FHIP2A: variants seen among roughly 807,000 people sequenced by gnomAD.
The protein encoded by FHIP2A is FHF complex subunit HOOK interacting protein 2A.
FHIP2A carries 46 observed loss-of-function variants against 93.5 expected under a neutral mutation model. The ratio of observed to expected loss-of-function variants is 0.49; its 90% CI spans 0.39 to 0.63. The LOEUF (loss-of-function observed/expected upper bound fraction) is 0.63. Ranked by LOEUF, FHIP2A falls within the 20% of genes least tolerant of loss-of-function variation. The probability of loss-of-function intolerance (pLI) is 0.00; values close to 1 mark genes in which losing one functional copy is unlikely to be tolerated. For synonymous variants in FHIP2A, 332 were observed against 326.5 expected, an observed-to-expected ratio of 1.02 and a Z score of -0.18; for missense variants, 769 against 909.7, an observed-to-expected ratio of 0.85 and a Z score of 1.99.
intron 5 of FHIP2A, among the ~76,000 whole-genome samples, chr10:114,839,941 G>A (rs906733597): frequency 1.3e-5 from 2 of 151,642 alleles, no homozygotes; most frequent in East Asian, 1.9e-4. Context: ...TTTACAGTCT[G>A]GTGAAGACAG....
chr10:114,853,884 G>A (rs1028309519), intron 13 of FHIP2A, among the ~76,000 whole-genome samples: 3 of 151,898 alleles, frequency 2.0e-5, no homozygotes, highest in African/African-American at 7.3e-5. Context: ...CACTGCACCC[G>A]ACCATTTTCT....
chr10:114,865,302 A>G (rs1592027755), downstream of FHIP2A, among the ~76,000 whole-genome samples: 1 of 152,310 alleles, frequency 6.6e-6, no homozygotes, highest in South Asian at 2.1e-4. Context: ...AAAACAATTT[A>G]TTCTAAGCAT....
intron 14 of FHIP2A, among the ~76,000 whole-genome samples, chr10:114,858,559 A>C (rs1309141755): frequency 6.6e-6 from 1 of 151,882 alleles, no homozygotes; most frequent in Non-Finnish European, 1.5e-5. Flanking sequence ...TTCTGGACTT[A>C]AGTTGTATTT....
intron 6 of FHIP2A, 49 bp downstream of exon 6, chr10:114,843,275 T>TTA: frequency 1.7e-5 from 20 of 1,149,720 alleles, no homozygotes; most frequent in Non-Finnish European, 2.2e-5. Flanking sequence ...TTCAATAATG[T>TTA]GTATTTATTT....
intron 2 of FHIP2A, 58 bp downstream of exon 2, chr10:114,830,988 G>A: frequency 1.0e-6 from 1 of 979,012 alleles, no homozygotes; most frequent in Non-Finnish European, 1.5e-6. Flanking sequence ...GAAAATTTGT[G>A]AAATACTAAA....
At chr10:114,885,764 C>A (rs1359452994) in intron 16 of FHIP2A, among the ~76,000 whole-genome samples, 1 of 152,178 alleles carries the variant, frequency 6.6e-6, no homozygotes, top group African/African-American at 2.4e-5. Flanking sequence ...TCTCATTTTT[C>A]TCTTCTGTGG....
At chr10:114,823,580 C>T (rs1372983521) in intron 1 of FHIP2A, among the ~76,000 whole-genome samples, 2 of 151,722 alleles carry the variant, frequency 1.3e-5, no homozygotes, top group African/African-American at 4.8e-5. Flanking sequence ...CTGCAACCTC[C>T]GCCTCCCGGA....
chr10:114,831,230 T>C (rs978063567), intron 2 of FHIP2A, among the ~76,000 whole-genome samples: 1 of 152,070 alleles, frequency 6.6e-6, no homozygotes, highest in Non-Finnish European at 1.5e-5. Context: ...TATAGACAAA[T>C]ATGTATAGTG....
intron 2 of FHIP2A, 119 bp from the exon 3 acceptor site, chr10:114,833,114 A>C (rs1426806071): frequency 2.9e-6 from 2 of 693,330 alleles, no homozygotes; most frequent in African/African-American, 3.6e-5. Context: ...AACCTCACTT[A>C]AGTGTGTAGT....
At chr10:114,839,459 T>G (rs981717828) in intron 5 of FHIP2A, among the ~76,000 whole-genome samples, 2 of 152,168 alleles carry the variant, frequency 1.3e-5, no homozygotes, top group African/African-American at 2.4e-5. Flanking sequence ...TAAGTATAGA[T>G]AAGAACAAAA....
At chr10:114,830,717 A>G (rs2083602995) in intron 1 of FHIP2A, 135 bp from the exon 2 acceptor site, 1 of 477,546 alleles carries the variant, frequency 2.1e-6, no homozygotes, top group African/African-American at 2.0e-5. Flanking sequence ...TCTCTTTAAT[A>G]TCTGACATAT....
chr10:114,878,821 C>A (rs1212067558), intron 16 of FHIP2A, among the ~76,000 whole-genome samples: 2 of 148,308 alleles, frequency 1.3e-5, no homozygotes, highest in Non-Finnish European at 3.0e-5. Context: ...GAAAAGAAGC[C>A]TGGGCAGGTG....
At chr10:114,830,142 G>A (rs2143009802) in intron 1 of FHIP2A, among the ~76,000 whole-genome samples, 1 of 152,232 alleles carries the variant, frequency 6.6e-6, no homozygotes, top group Middle Eastern at 3.4e-3. Flanking sequence ...TAATTACATA[G>A]CAGCTTTTTA....
Position 114,862,440 on chromosome 10 carries a change from G to C in FHIP2A, c.*900G>C. 1 of 987,518 alleles carries C rather than the reference G, an allele frequency of 1.0e-6. No individual in the cohort carries two copies. Among genetic ancestry groups the C allele is most frequent in the Non-Finnish European group, 1.2e-6 (1 of 830,090 alleles). The allele number at this position is 987,518 out of a possible 1,614,324, so 61.2% of individuals were successfully genotyped here. On this transcript the variant is annotated 3_prime_UTR_variant, in exon 17 of 17. Coordinates refer to ENST00000369248, the MANE Select transcript of FHIP2A (RefSeq NM_020940.4). ...TTACTGAAACGCATGGTGGTGTCTA[G>C]GTGGGGAACTGACTGATAACCCTTG...
chr10:114,833,596 C>A (rs193238904), intron 3 of FHIP2A, 194 bp downstream of exon 3: 43 of 492,172 alleles, frequency 8.7e-5, no homozygotes, highest in African/African-American at 7.6e-4. Context: ...TCCAAACACT[C>A]TAGACAACAA....
At chr10:114,876,666 C>T (rs550288350) in intron 16 of FHIP2A, among the ~76,000 whole-genome samples, 16 of 152,222 alleles carry the variant, frequency 1.1e-4, no homozygotes, top group Non-Finnish European at 2.1e-4. Context: ...GGACAAGCTT[C>T]CCAGGGGGCT....
chr10:114,854,580 C>T (rs536863231), intron 13 of FHIP2A, among the ~76,000 whole-genome samples: 1 of 152,238 alleles, frequency 6.6e-6, no homozygotes, highest in African/African-American at 2.4e-5. Context: ...TTAGATTCAA[C>T]AGACATAAAA....
chr10:114,849,682 T>C (rs2083723266), intron 13 of FHIP2A, among the ~76,000 whole-genome samples: 1 of 152,246 alleles, frequency 6.6e-6, no homozygotes, highest in Non-Finnish European at 1.5e-5. Flanking sequence ...CACAATGTTA[T>C]GCAACCATCA....
At chr10:114,865,915 A>G (rs1227900193), downstream of FHIP2A, among the ~76,000 whole-genome samples, 2 of 152,158 alleles carry the variant, frequency 1.3e-5, no homozygotes, top group African/African-American at 2.4e-5. Flanking sequence ...TTATGGCAAT[A>G]AAGTTGTCAC....
Sources: gnomAD v4.1 joint callset for allele counts (sites outside exome capture counted in the v4.1 genomes callset) on GRCh38, gnomAD v4.1.1 for gene constraint, MANE v1.5 for transcripts, NCBI Gene and HGNC (gene_info 2026-07-23, HGNC 2026-07-21) for gene names.